Variants in MGST2 observed in about 807,000 individuals in gnomAD.
The protein encoded by MGST2 is microsomal glutathione S-transferase 2.
Under a neutral mutation model 16.6 loss-of-function variants are expected in MGST2, and 9 were observed. The observed-to-expected ratio is 0.54, with a 90% CI of 0.33 to 0.95. The LOEUF is 0.95. Ranked by LOEUF, MGST2 falls within the 40% of genes least tolerant of loss-of-function variation. The pLI is 0.03. For missense variants in MGST2, 159 were observed against 175.1 expected, an observed-to-expected ratio of 0.91 and a Z score of 0.52; for synonymous variants, 79 against 68.0, an observed-to-expected ratio of 1.16 and a Z score of -0.79.
chr4:139,685,115 C>G (rs941562424), intron 2 of MGST2: 1 of 152,280 alleles, frequency 6.6e-6, no homozygotes. Context: ...GCTTTCTGTA[C>G]TCTACCAGTC....
At chr4:139,734,726 T>A (rs781283082) in intron 5 of MGST2, among the ~76,000 whole-genome samples, 1 of 152,248 alleles carries the variant, frequency 6.6e-6, no homozygotes, top group Non-Finnish European at 1.5e-5. Context: ...TATTTATAAA[T>A]CTGTGCGTAG....
chr4:139,695,320 C>T lies in MGST2; in HGVS notation c.229+53C>T, dbSNP rs376929470. On this transcript the variant is annotated intron_variant, in intron 3 of 4. Transcript: ENST00000265498. ...TCTAATGATGACTGTGATGCTTAAA[C>T]GATTAAGGAGTAGATATATGGCCAG... 248 of 1,428,212 alleles carry T rather than the reference C, an allele frequency of 1.7e-4. 1 individual carries two copies. In the African/African-American group the frequency reaches 3.0e-3, roughly 17 times the overall value. 88.5% of individuals were successfully genotyped at this position (1,428,212 alleles called of 1,614,324 possible). A position where few individuals can be genotyped will look rare whatever the true frequency, so the allele number is the denominator to read the frequency against.
intron 2 of MGST2, among the ~76,000 whole-genome samples, chr4:139,690,158 AT>A (rs759772902): frequency 5.3e-5 from 8 of 151,984 alleles, no homozygotes; most frequent in South Asian, 2.1e-4. Flanking sequence ...TGCTCAGTTA[AT>A]TTTTGTATTT....
chr4:139,708,119 G>A (rs1011500374), downstream of MGST2, among the ~76,000 whole-genome samples: 2 of 152,222 alleles, frequency 1.3e-5, no homozygotes, highest in East Asian at 1.9e-4. Context: ...TTTTAGACAT[G>A]AAGTCCTTGT....
At position 139,665,893 on chromosome 4, in the gene MGST2, C is replaced by T. The variant is rs981731540; in HGVS notation, c.-127C>T. The T allele has an allele frequency of 2.2e-6, 2 of 901,640 alleles. No individual in the cohort carries two copies. Among genetic ancestry groups the T allele is most frequent in the African/African-American group, 1.6e-5 (1 of 61,124 alleles). 55.9% of individuals were successfully genotyped at this position (901,640 alleles called of 1,614,324 possible). The stretch of plus-strand genomic sequence containing the variant: ...TGTTCCAGAGCAAAGGTCATTCAGC[C>T]GCTTGAATCAGCCTTTTCCCCCCAC... On this transcript the variant is annotated 5_prime_UTR_variant, in exon 1 of 5. Coordinates refer to ENST00000265498, the MANE Select transcript of MGST2 (RefSeq NM_002413.5).
chr4:139,744,767 A>G (rs6841177), downstream of MGST2, among the ~76,000 whole-genome samples: 1,249 of 152,240 alleles, frequency 8.2e-3, 16 homozygotes, highest in African/African-American at 0.029. Context: ...ACTTCACGGA[A>G]AAGCTCAAAG....
chr4:139,677,406 C>A (rs1731016725), intron 1 of MGST2, among the ~76,000 whole-genome samples: 1 of 152,160 alleles, frequency 6.6e-6, no homozygotes, highest in Non-Finnish European at 1.5e-5. Flanking sequence ...GCAGGGGCTT[C>A]CAGGTCATAG....
the MGST2 span, among the ~76,000 whole-genome samples, chr4:139,751,160 C>A: frequency 6.6e-6 from 1 of 152,176 alleles, no homozygotes; most frequent in Non-Finnish European, 1.5e-5. Context: ...TGAAAAATAT[C>A]TCTCCCATGT....
intron 5 of MGST2, chr4:139,718,108 G>T (rs560436878): frequency 6.6e-6 from 1 of 152,088 alleles, no homozygotes; most frequent in South Asian, 2.1e-4. Context: ...CCAGGATTTC[G>T]CCCAAAGGGA....
chr4:139,744,218 T>A (rs2111028848), downstream of MGST2, among the ~76,000 whole-genome samples: 1 of 152,336 alleles, frequency 6.6e-6, no homozygotes, highest in Middle Eastern at 3.4e-3. Context: ...TAATAGAGGT[T>A]CAGGGATCTG....
downstream of MGST2, among the ~76,000 whole-genome samples, chr4:139,741,220 T>C (rs142880117): frequency 2.0e-5 from 3 of 152,138 alleles, no homozygotes; most frequent in Admixed American, 6.5e-5. Flanking sequence ...CTTCTCCTTA[T>C]GTAAAGATTG....
At chr4:139,718,294 A>G (rs1205607803) in intron 5 of MGST2, 5 of 152,236 alleles carry the variant, frequency 3.3e-5, no homozygotes, top group African/African-American at 1.2e-4. Context: ...CATTTCAGGC[A>G]TTGTCTAAGT....
chr4:139,720,310 A>G, intron 5 of MGST2: 2 of 1,534,662 alleles, frequency 1.3e-6, no homozygotes, highest in Non-Finnish European at 1.8e-6. Flanking sequence ...CGGCTGCTAT[A>G]TCCTGGGGAG....
chr4:139,745,797 TTTGACAGGGAGTAGAACA>T, the MGST2 span, among the ~76,000 whole-genome samples: 1 of 152,238 alleles, frequency 6.6e-6, no homozygotes, highest in Non-Finnish European at 1.5e-5. Flanking sequence ...CCACCTGGTT[TTTGACAGGGAGTAGAACA>T]GTAGGTATAT....
chr4:139,723,274 G>C (rs761209491), intron 5 of MGST2, among the ~76,000 whole-genome samples: 4 of 152,162 alleles, frequency 2.6e-5, no homozygotes, highest in Non-Finnish European at 2.9e-5. Flanking sequence ...TCTGGATGGT[G>C]GGATTTCAGG....
the MGST2 span, among the ~76,000 whole-genome samples, chr4:139,747,434 C>T: frequency 6.6e-6 from 1 of 152,228 alleles, no homozygotes; most frequent in Non-Finnish European, 1.5e-5. Context: ...TGGCTCACGC[C>T]TGTAATCCCA....
downstream of MGST2, among the ~76,000 whole-genome samples, chr4:139,707,602 C>T (rs1445231673): frequency 1.3e-5 from 2 of 151,798 alleles, no homozygotes; most frequent in African/African-American, 4.8e-5. Context: ...AATGGTATTT[C>T]TAGTTCTAGA....
chr4:139,730,063 T>G (rs554128991), intron 5 of MGST2, among the ~76,000 whole-genome samples: 76 of 152,356 alleles, frequency 5.0e-4, no homozygotes, highest in Non-Finnish European at 8.8e-4. Flanking sequence ...GCTAGAAATA[T>G]TACGGCTTAT....
intron 5 of MGST2, among the ~76,000 whole-genome samples, chr4:139,710,031 A>G (rs1397396637): frequency 6.6e-6 from 1 of 152,250 alleles, no homozygotes; most frequent in East Asian, 1.9e-4. Context: ...TAAAAGGTAA[A>G]GACTGGTTAC....
Sources: gnomAD v4.1 joint callset for allele counts (sites outside exome capture counted in the v4.1 genomes callset) on GRCh38, gnomAD v4.1.1 for gene constraint, MANE v1.5 for transcripts, NCBI Gene and HGNC (gene_info 2026-07-23, HGNC 2026-07-21) for gene names.